The following CYLC1 variants were observed in gnomAD, a reference collection of about 807,000 sequenced individuals.
CYLC1 encodes the protein cylicin 1.
A neutral mutation model predicts 31.6 loss-of-function variants in CYLC1; 2 were observed. That is an observed-to-expected ratio of 0.06 (90% confidence interval 0.03 to 0.20). CYLC1 has a LOEUF of 0.20. Among genes scored for constraint, CYLC1 ranks in the 10% least tolerant of loss-of-function variants. The pLI is 1.00. For missense variants in CYLC1, 595 were observed against 424.1 expected, an observed-to-expected ratio of 1.40 and a Z score of -3.54; for synonymous variants, 185 against 153.0, an observed-to-expected ratio of 1.21 and a Z score of -1.54.
chrX:83,862,622 C>T (rs1359771582), intron 1 of CYLC1, among the ~76,000 whole-genome samples: 2 of 112,604 alleles, frequency 1.8e-5, no homozygotes, highest in Non-Finnish European at 3.8e-5. Flanking sequence ...GTGAGCGTCT[C>T]AAATCACTAG....
intron 4 of CYLC1, among the ~76,000 whole-genome samples, chrX:83,878,382 AAT>A (rs1318941010): frequency 3.0e-3 from 17 of 5,652 alleles, no homozygotes; most frequent in East Asian, 5.8e-3. Flanking sequence ...TATATATATA[AAT>A]ATATATAAAT....
At chrX:83,881,129 GTGTTGT>G (rs371734890) in intron 4 of CYLC1, among the ~76,000 whole-genome samples, 18 of 109,023 alleles carry the variant, frequency 1.7e-4, no homozygotes, top group South Asian at 7.9e-4. Flanking sequence ...AGGAAAGTGG[GTGTTGT>G]TGTTGTTGTT....
rs763098413 is a variant in CYLC1 at position 83,873,062 on chromosome X, C to T, written c.354C>T (p.Ser118=). Residue 118 remains serine, a synonymous_variant, in exon 4 of 5, where the codon TCC becomes TCT. Transcript: ENST00000329312. ...TTAAAAAAGCAGAATATAAAAAGTC[C>T]AAAGATGAAAAAGGAGGAACACCTT... ...THLKKAEYKK[S]KDEKGGTPLK... is the part of the protein sequence containing the mutation. 4.2e-6 allele frequency: 5 copies of T among 1,193,950 alleles called. No individual in the cohort carries two copies. The African/African-American group carries it at 9.0e-5, about 21-fold the overall frequency.
At chrX:83,878,103 T>A (rs1323501157) in intron 4 of CYLC1, among the ~76,000 whole-genome samples, 3 of 53,724 alleles carry the variant, frequency 5.6e-5, no homozygotes, top group African/African-American at 2.4e-4. Flanking sequence ...TATATAAATA[T>A]AAATATATAT....
rs369247752 is a variant in CYLC1, at chrX:83,873,056, A to G, written c.348A>G (p.Lys116=). ...CCCATCTTAAAAAAGCAGAATATAA[A>G]AAGTCCAAAGATGAAAAAGGAGGAA... The part of the protein sequence containing the change: ...SKTHLKKAEY[K]KSKDEKGGTP... Residue 116 remains lysine (K), a synonymous_variant, in exon 4 of 5, where the codon AAA becomes AAG. Transcript: ENST00000329312. 10 of 1,198,697 alleles carry G rather than the reference A, an allele frequency of 8.3e-6. No individual in the cohort carries two copies. In the African/African-American group the frequency reaches 1.6e-4, roughly 19 times the overall value.
At position 83,873,682 on chromosome X, in the gene CYLC1, A is replaced by G. The variant is rs2031710690; in HGVS notation, c.974A>G (p.Asp325Gly). 8.3e-7 allele frequency: 1 copy of G among 1,200,265 alleles called. No homozygotes were observed. The highest frequency in any genetic ancestry group is 1.1e-6 in the Non-Finnish European group (1 of 890,565). The change falls in exon 4 of 5, where the codon GAT (aspartate) becomes GGT (glycine). Residue 325 changes from aspartate to glycine, a missense_variant. Asp to Gly is a moderately conservative substitution (Grantham distance 94). Transcript: ENST00000329312. Reference protein sequence around the residue: ...KNVKKDDKKKDVKKDTESTDA... With the variant: ...KNVKKDDKKKGVKKDTESTDA... Reference sequence around the variant, plus strand: ...GTCAAGAAAGATGACAAGAAAAAGGATGTAAAGAAGGACACAGAGTCTACT... The same window carrying G: ...GTCAAGAAAGATGACAAGAAAAAGGGTGTAAAGAAGGACACAGAGTCTACT...
chrX:83,878,971 C>T (rs759205421), intron 4 of CYLC1, among the ~76,000 whole-genome samples: 1 of 107,990 alleles, frequency 9.3e-6, no homozygotes, highest in East Asian at 2.9e-4. Flanking sequence ...ATAAGCAGTG[C>T]TGTGTTTCAG....
intron 4 of CYLC1, among the ~76,000 whole-genome samples, chrX:83,880,782 C>T (rs1293575116): frequency 1.8e-5 from 2 of 111,490 alleles, no homozygotes. Flanking sequence ...AATAACAATG[C>T]ATGTGGCTTT....
At chrX:83,864,999 C>T (rs1048876960) in intron 1 of CYLC1, among the ~76,000 whole-genome samples, 2 of 110,709 alleles carry the variant, frequency 1.8e-5, no homozygotes, top group Admixed American at 9.7e-5. Context: ...TCATCCATTC[C>T]AATGATTTTA....
Position 83,877,924 on chromosome X carries a change from ATAAATATAAATATATATATTTG to A in CYLC1, c.1923+3296_1923+3317del, listed in dbSNP as rs1569335559. ...AATATATATAAATATATATATATAT[ATAAATATAAATATATATATTTG>A]TATATAAATATAAATATATATATTT... On this transcript the variant is annotated intron_variant, in intron 4 of 4. Coordinates refer to ENST00000329312, the MANE Select transcript of CYLC1 (RefSeq NM_021118.3). 2.7e-4 allele frequency among the ~76,000 whole-genome samples: 22 copies of A among 80,806 alleles called. 2 individuals are homozygous for A. Among genetic ancestry groups the A allele is most frequent in the East Asian group, 1.5e-3 (4 of 2,697 alleles). The allele number at this position is 80,806 out of a possible 115,157, so 70.2% of individuals were successfully genotyped here. A position where few individuals can be genotyped will look rare whatever the true frequency, so the allele number is the denominator to read the frequency against.
intron 4 of CYLC1, among the ~76,000 whole-genome samples, chrX:83,877,859 G>T (rs2031795020): frequency 1.2e-5 from 1 of 83,325 alleles, no homozygotes; most frequent in South Asian, 5.5e-4. Flanking sequence ...TGCAGGCAGT[G>T]AATCTAGCCT....
intron 4 of CYLC1, among the ~76,000 whole-genome samples, chrX:83,883,336 A>G (rs2031937897): frequency 8.9e-6 from 1 of 112,125 alleles, no homozygotes; most frequent in South Asian, 3.7e-4. Context: ...TAATAAGTTG[A>G]AAGTTTATAT....
chrX:83,861,294 T>C (rs2031506115), intron 1 of CYLC1, 95 bp downstream of exon 1: 1 of 613,980 alleles, frequency 1.6e-6, no homozygotes, highest in East Asian at 3.8e-5. Flanking sequence ...AGAATGTTTC[T>C]TTCATAGTCG....
chrX:83,871,788 A>G lies in CYLC1; in HGVS notation c.177+218A>G, dbSNP rs375585605. 5.4e-4 allele frequency among the ~76,000 whole-genome samples: 60 copies of G among 110,752 alleles called. 1 individual carries two copies. The East Asian group carries it at 9.2e-3, about 17-fold the overall frequency. On this transcript the variant is annotated intron_variant, in intron 3 of 4. Coordinates refer to ENST00000329312, the MANE Select transcript of CYLC1 (RefSeq NM_021118.3). ...AAGACATTATCTAAGCAAGCTGGAG[A>G]ACCTAATACTGCACCTGGCAAGTTC...
At chrX:83,881,363 A>G (rs1055998535) in intron 4 of CYLC1, among the ~76,000 whole-genome samples, 1 of 110,722 alleles carries the variant, frequency 9.0e-6, no homozygotes, top group African/African-American at 3.3e-5. Flanking sequence ...TCATCTCTAA[A>G]ATGAAAAATT....
chrX:83,885,108 G>C lies in CYLC1; in HGVS notation c.1924-1444G>C, dbSNP rs72632447. Among the ~76,000 whole-genome samples the C allele has an allele frequency of 2.1e-4, 23 of 111,151 alleles. No individual in the cohort carries two copies. The East Asian group carries it at 6.5e-3, about 31-fold the overall frequency. ...CTAAATGAATGAATTTTAAATGTTT[G>C]AATTTGGGGTAATGTGAAATGTTCT... On this transcript the variant is annotated intron_variant, in intron 4 of 4. Coordinates refer to ENST00000329312, the MANE Select transcript of CYLC1 (RefSeq NM_021118.3).
intron 4 of CYLC1, among the ~76,000 whole-genome samples, chrX:83,881,539 A>G (rs1325360130): frequency 9.1e-6 from 1 of 109,400 alleles, no homozygotes; most frequent in Non-Finnish European, 1.9e-5. Flanking sequence ...TGACTGACAC[A>G]CTAGAGCACA....
At chrX:83,881,457 A>G (rs901873336) in intron 4 of CYLC1, among the ~76,000 whole-genome samples, 9 of 109,441 alleles carry the variant, frequency 8.2e-5, no homozygotes, top group African/African-American at 2.7e-4. Flanking sequence ...TGCCTGAAAG[A>G]TATCGGTCAT....
At position 83,873,466 on chromosome X, in the gene CYLC1, A is replaced by G. The variant is rs764574215; in HGVS notation, c.758A>G (p.Gln253Arg). 7.5e-6 allele frequency: 9 copies of G among 1,194,685 alleles called. No individual in the cohort carries two copies. In the Admixed American group the frequency reaches 2.0e-4, roughly 27 times the overall value. The change falls in exon 4 of 5, where the codon CAG becomes CGG. Residue 253 changes from glutamine to arginine, a missense_variant. Physicochemically the swap from Gln to Arg is conservative, Grantham distance 43. Coordinates refer to ENST00000329312, the MANE Select transcript of CYLC1 (RefSeq NM_021118.3). ...LNVDFLMLVG[Q>R]SDDESINFDA... ...GTTGATTTCCTCATGTTAGTGGGAC[A>G]GTCTGATGATGAATCCATAAATTTT... is the stretch of plus-strand genomic sequence containing the variant.
Sources: allele counts gnomAD v4.1 joint callset (sites outside exome capture counted in the v4.1 genomes callset), GRCh38; gene constraint gnomAD v4.1.1; transcripts MANE v1.5; gene names NCBI Gene and HGNC (gene_info 2026-07-23, HGNC 2026-07-21).